The following SH3KBP1 variants were observed in gnomAD, a reference collection of about 807,000 sequenced individuals.
SH3KBP1 encodes SH3 domain-containing kinase-binding protein 1.
In SH3KBP1, 8 loss-of-function variants were observed where a neutral mutation model predicts 50.1. The ratio of observed to expected loss-of-function variants is 0.16; its 90% confidence interval spans 0.09 to 0.29. The LOEUF is 0.29. SH3KBP1 is among the 10% of genes least tolerant of loss of function. The probability of loss-of-function intolerance (pLI) is 1.00; values close to 1 mark genes in which losing one functional copy is unlikely to be tolerated. For missense variants in SH3KBP1, 377 were observed against 535.2 expected (o/e 0.70, Z 2.92); for synonymous variants, 227 against 218.6 (o/e 1.04, Z -0.34).
chrX:19,730,035 T>C (rs1295379115), intron 3 of SH3KBP1, among the ~76,000 whole-genome samples: 4 of 111,593 alleles, frequency 3.6e-5, no homozygotes, highest in African/African-American at 1.3e-4. Context: ...TAGTTTCAAC[T>C]GCCTTACCTT....
At chrX:19,542,772 G>A (rs367672723) in intron 15 of SH3KBP1, among the ~76,000 whole-genome samples, 4 of 112,094 alleles carry the variant, frequency 3.6e-5, no homozygotes, top group African/African-American at 6.5e-5. Context: ...GAGGGAACAC[G>A]CCAGGCAAAG....
At chrX:19,774,335 T>A in intron 2 of SH3KBP1, among the ~76,000 whole-genome samples, 1 of 111,220 alleles carries the variant, frequency 9.0e-6, no homozygotes, top group Non-Finnish European at 1.9e-5. Flanking sequence ...TTTGCATAGA[T>A]CCTTTGGTTA....
chrX:19,708,855 A>G (rs917033314), intron 3 of SH3KBP1, among the ~76,000 whole-genome samples: 2 of 111,930 alleles, frequency 1.8e-5, no homozygotes, highest in Non-Finnish European at 3.8e-5. Context: ...ACGTCTGAAA[A>G]CCAACACTCA....
intron 6 of SH3KBP1, among the ~76,000 whole-genome samples, chrX:19,650,869 T>C (rs1227249724): frequency 9.0e-6 from 1 of 111,214 alleles, no homozygotes; most frequent in East Asian, 2.8e-4. Flanking sequence ...GCCCAACCAT[T>C]CCACACAGTT....
intron 2 of SH3KBP1, among the ~76,000 whole-genome samples, chrX:19,775,849 G>A (rs534016869): frequency 8.9e-6 from 1 of 111,886 alleles, no homozygotes; most frequent in South Asian, 3.7e-4. Flanking sequence ...TAGCAGCTGT[G>A]TTTTCACTGA....
intron 1 of SH3KBP1, among the ~76,000 whole-genome samples, chrX:19,883,431 C>A (rs1470487449): frequency 8.9e-6 from 1 of 112,405 alleles, no homozygotes; most frequent in Non-Finnish European, 1.9e-5. Flanking sequence ...AGATGTCCAT[C>A]GTGCTTAGCA....
At chrX:19,733,784 AAAT>A (rs1451661661) in intron 3 of SH3KBP1, among the ~76,000 whole-genome samples, 11 of 111,559 alleles carry the variant, frequency 9.9e-5, no homozygotes, top group Non-Finnish European at 2.1e-4. Flanking sequence ...GTAAAAAAAA[AAAT>A]AAGGACCTCA....
At chrX:19,873,016 A>G (rs2069103680) in intron 1 of SH3KBP1, among the ~76,000 whole-genome samples, 1 of 109,333 alleles carries the variant, frequency 9.1e-6, no homozygotes, top group Non-Finnish European at 1.9e-5. Context: ...ATCAGGGGCC[A>G]GTCCAGTCAT....
chrX:19,593,290 C>G (rs907411598), intron 10 of SH3KBP1, among the ~76,000 whole-genome samples: 2 of 111,354 alleles, frequency 1.8e-5, no homozygotes, highest in Non-Finnish European at 1.9e-5. Flanking sequence ...CTAGAAATCT[C>G]AATTACACAA....
chrX:19,852,591 A>G (rs922087185), intron 1 of SH3KBP1, among the ~76,000 whole-genome samples: 1 of 105,222 alleles, frequency 9.5e-6, no homozygotes, highest in Admixed American at 1.0e-4. Context: ...TTTTCAATCA[A>G]TAAAGATTTT....
intron 1 of SH3KBP1, among the ~76,000 whole-genome samples, chrX:19,839,991 T>C (rs1194804513): frequency 1.8e-5 from 2 of 112,616 alleles, no homozygotes; most frequent in Non-Finnish European, 3.8e-5. Context: ...AGTCATATTC[T>C]TCCGTGCACT....
At chrX:19,560,417 G>A (rs186944118) in intron 13 of SH3KBP1, among the ~76,000 whole-genome samples, 47 of 111,961 alleles carry the variant, frequency 4.2e-4, no homozygotes, top group African/African-American at 1.4e-3. Context: ...AATGGACAGG[G>A]TTAGAGAAAC....
At chrX:19,764,476 A>G (rs757811930) in intron 2 of SH3KBP1, among the ~76,000 whole-genome samples, 1 of 110,938 alleles carries the variant, frequency 9.0e-6, no homozygotes, top group African/African-American at 3.3e-5. Context: ...ACTCTACTCC[A>G]TCATGGGACC....
At chrX:19,831,801 A>AAAAAAAAAAAAG (rs1375315248) in intron 2 of SH3KBP1, among the ~76,000 whole-genome samples, 3 of 107,619 alleles carry the variant, frequency 2.8e-5, no homozygotes, top group Admixed American at 1.0e-4. Flanking sequence ...CAAAAAAAAA[A>AAAAAAAAAAAAG]AAAGAAAGAC....
At chrX:19,851,755 T>A (rs1216285086) in intron 1 of SH3KBP1, among the ~76,000 whole-genome samples, 2 of 111,798 alleles carry the variant, frequency 1.8e-5, no homozygotes, top group Non-Finnish European at 3.8e-5. Flanking sequence ...CAGGCTGATC[T>A]AGAGCTCCTG....
chrX:19,674,095 T>A (rs765713889), intron 6 of SH3KBP1, among the ~76,000 whole-genome samples: 161 of 112,096 alleles, frequency 1.4e-3, no homozygotes, highest in African/African-American at 4.8e-3. Context: ...GTCTTTCCCC[T>A]TACATTATAA....
intron 2 of SH3KBP1, among the ~76,000 whole-genome samples, chrX:19,794,627 C>T (rs1023118034): frequency 9.0e-6 from 1 of 110,843 alleles, no homozygotes; most frequent in African/African-American, 3.3e-5. Flanking sequence ...GGCATGAACT[C>T]GGGAGGCAGA....
chrX:19,810,251 G>A (rs905064276), intron 2 of SH3KBP1, among the ~76,000 whole-genome samples: 2 of 112,364 alleles, frequency 1.8e-5, no homozygotes, highest in Admixed American at 9.4e-5. Context: ...AGCAAAGCGA[G>A]TGACTTGCAA....
chrX:19,662,812 G>C (rs1395112340), intron 6 of SH3KBP1, among the ~76,000 whole-genome samples: 1 of 107,861 alleles, frequency 9.3e-6, no homozygotes, highest in African/African-American at 3.4e-5. Flanking sequence ...TCAAAAACCA[G>C]GACTGACTTT....
Sources: allele counts gnomAD v4.1 joint callset (sites outside exome capture counted in the v4.1 genomes callset), GRCh38; gene constraint gnomAD v4.1.1; transcripts MANE v1.5; gene names NCBI Gene and HGNC (gene_info 2026-07-23, HGNC 2026-07-21).